Variants in CTNNA3 observed in about 807,000 individuals in gnomAD.
The protein encoded by CTNNA3 is catenin alpha 3, also known as catenin alpha-3.
In CTNNA3, 76 loss-of-function variants were observed where a neutral mutation model predicts 95.7. The ratio of observed to expected loss-of-function variants is 0.79; its 90% confidence interval spans 0.66 to 0.96. The LOEUF (loss-of-function observed/expected upper bound fraction) is 0.96, where lower values mean the gene tolerates loss of function less well. CTNNA3 is among the 40% of genes least tolerant of loss of function. CTNNA3 has a pLI of 0.00. For synonymous variants in CTNNA3, 431 were observed against 374.4 expected (o/e 1.15, Z -1.74); for missense variants, 1,191 against 1,089.8 (o/e 1.09, Z -1.31).
At position 66,937,043 on chromosome 10, in the gene CTNNA3, G is replaced by C. The variant is rs570326707; in HGVS notation, c.1048-161519C>G. On this transcript the variant is annotated intron_variant, in intron 7 of 17. Transcript: ENST00000433211. ...GTTTGGGCCTTTCCAAAGGAGCCAA[G>C]GCAGGGTAAATAATCCATGTTTCAT... Among the ~76,000 whole-genome samples, 4 of 152,236 alleles carry C rather than the reference G, an allele frequency of 2.6e-5. No homozygotes were observed. The East Asian group carries it at 7.7e-4, about 29-fold the overall frequency.
At chr10:67,585,171 G>C (rs1218113752) in intron 3 of CTNNA3, among the ~76,000 whole-genome samples, 2 of 152,196 alleles carry the variant, frequency 1.3e-5, no homozygotes, top group Non-Finnish European at 2.9e-5. Context: ...GACTGGAGCT[G>C]TTCCTATTTG....
At chr10:67,198,441 A>G (rs532652702) in intron 6 of CTNNA3, among the ~76,000 whole-genome samples, 1 of 152,296 alleles carries the variant, frequency 6.6e-6, no homozygotes, top group South Asian at 2.1e-4. Context: ...AATATGAGTC[A>G]CAGTGTGGAA....
At chr10:65,980,722 T>TA (rs1014905610) in intron 16 of CTNNA3, among the ~76,000 whole-genome samples, 1 of 151,664 alleles carries the variant, frequency 6.6e-6, no homozygotes, top group Non-Finnish European at 1.5e-5. Flanking sequence ...ACACACCACA[T>TA]AAAAAAATTT....
chr10:67,311,238 T>C (rs1220771650), intron 5 of CTNNA3, among the ~76,000 whole-genome samples: 2 of 151,990 alleles, frequency 1.3e-5, no homozygotes, highest in Non-Finnish European at 2.9e-5. Flanking sequence ...ATAATGGTAT[T>C]TGAAGAGGAA....
At chr10:66,572,222 A>C (rs1843667) in intron 10 of CTNNA3, among the ~76,000 whole-genome samples, 47,361 of 151,448 alleles carry the variant, frequency 0.31, 7,821 homozygotes, top group Middle Eastern at 0.44. Flanking sequence ...GTCTCTACTA[A>C]AAATACAAAA....
chr10:66,342,076 T>C (rs1172625312), intron 12 of CTNNA3, among the ~76,000 whole-genome samples: 1 of 152,014 alleles, frequency 6.6e-6, no homozygotes, highest in Non-Finnish European at 1.5e-5. Context: ...GATTTCAATA[T>C]TCTAATTCTA....
In CTNNA3 at chr10:67,440,510, T is replaced by C. The variant is rs547527930; in HGVS notation, c.579+81332A>G. ...AGCTAGTCAGTAGCCAGTTAGTGGT[T>C]ACAGTAAGCCTTTGGTGAGACCCAG... On this transcript the variant is annotated intron_variant, in intron 5 of 17. Transcript: ENST00000433211. Among the ~76,000 whole-genome samples the C allele has an allele frequency of 5.9e-5, 9 of 152,228 alleles. No individual in the cohort carries two copies. The East Asian group carries it at 1.7e-3, about 29-fold the overall frequency.
chr10:66,238,348 A>G (rs1301711344), intron 13 of CTNNA3, among the ~76,000 whole-genome samples: 2 of 152,042 alleles, frequency 1.3e-5, no homozygotes, highest in East Asian at 3.8e-4. Flanking sequence ...ATAATGTTAT[A>G]GTGTCATCTT....
intron 14 of CTNNA3, among the ~76,000 whole-genome samples, chr10:66,102,108 A>C (rs1271106464): frequency 6.6e-6 from 1 of 152,168 alleles, no homozygotes; most frequent in Non-Finnish European, 1.5e-5. Context: ...CCAGCCTTTC[A>C]ATATAAGTGC....
chr10:67,561,896 G>GGA (rs1378152863), intron 3 of CTNNA3, among the ~76,000 whole-genome samples: 1 of 152,138 alleles, frequency 6.6e-6, no homozygotes, highest in African/African-American at 2.4e-5. Flanking sequence ...TCAAAGAAAT[G>GGA]GATAAATTCC....
At chr10:66,057,123 G>C (rs1432231562) in intron 15 of CTNNA3, among the ~76,000 whole-genome samples, 1 of 152,092 alleles carries the variant, frequency 6.6e-6, no homozygotes, top group Non-Finnish European at 1.5e-5. Context: ...CCTTTTTAAA[G>C]CTTTCCTTTT....
At chr10:67,397,981 A>C (rs546233761) in intron 5 of CTNNA3, among the ~76,000 whole-genome samples, 1 of 152,348 alleles carries the variant, frequency 6.6e-6, no homozygotes, top group African/African-American at 2.4e-5. Flanking sequence ...ATGTCTAGGC[A>C]GAAGTTTGTT....
At chr10:65,953,851 T>C (rs2077672845) in intron 17 of CTNNA3, among the ~76,000 whole-genome samples, 1 of 152,202 alleles carries the variant, frequency 6.6e-6, no homozygotes, top group South Asian at 2.1e-4. Flanking sequence ...AACATATGTG[T>C]GCATGTGTCT....
At chr10:65,928,968 T>C (rs184897702) in intron 17 of CTNNA3, among the ~76,000 whole-genome samples, 1 of 152,282 alleles carries the variant, frequency 6.6e-6, no homozygotes, top group Admixed American at 6.5e-5. Flanking sequence ...GTTGGTGTGC[T>C]GAACCCAGCA....
intron 9 of CTNNA3, among the ~76,000 whole-genome samples, chr10:66,703,771 T>C (rs1848029047): frequency 6.6e-6 from 1 of 152,144 alleles, no homozygotes; most frequent in African/African-American, 2.4e-5. Flanking sequence ...AGGGGCTACC[T>C]CATTAGCTTT....
At chr10:65,975,798 T>C (rs1440986029) in intron 16 of CTNNA3, among the ~76,000 whole-genome samples, 1 of 152,156 alleles carries the variant, frequency 6.6e-6, no homozygotes, top group Non-Finnish European at 1.5e-5. Flanking sequence ...TCTGTTTCAT[T>C]CACATGCATA....
intron 3 of CTNNA3, among the ~76,000 whole-genome samples, chr10:67,567,333 C>G (rs1292050610): frequency 6.7e-6 from 1 of 150,344 alleles, no homozygotes; most frequent in East Asian, 2.0e-4. Flanking sequence ...GTGAAACAAG[C>G]CAGGGACAAA....
At chr10:66,693,131 A>G (rs1401503206) in intron 9 of CTNNA3, among the ~76,000 whole-genome samples, 2 of 152,190 alleles carry the variant, frequency 1.3e-5, no homozygotes, top group Non-Finnish European at 2.9e-5. Flanking sequence ...TTAAATGTAA[A>G]TGGACTAGAT....
intron 1 of CTNNA3, among the ~76,000 whole-genome samples, chr10:67,725,187 T>C (rs1472291015): frequency 6.6e-6 from 1 of 151,612 alleles, no homozygotes; most frequent in Non-Finnish European, 1.5e-5. Context: ...ACCTTTTTTT[T>C]TTTTTTGAGA....
Sources: allele counts gnomAD v4.1 joint callset (sites outside exome capture counted in the v4.1 genomes callset), GRCh38; gene constraint gnomAD v4.1.1; transcripts MANE v1.5; gene names NCBI Gene and HGNC (gene_info 2026-07-23, HGNC 2026-07-21).